ARHGAP21: variants seen among roughly 807,000 people sequenced by gnomAD.
ARHGAP21 encodes the protein Rho GTPase activating protein 21, also known as rho GTPase-activating protein 21.
Under a neutral mutation model 164.6 loss-of-function variants are expected in ARHGAP21, and 38 were observed. The observed-to-expected ratio is 0.23, with a 90% CI of 0.18 to 0.30. The LOEUF (loss-of-function observed/expected upper bound fraction) is 0.30. Ranked by LOEUF, ARHGAP21 falls within the 10% of genes least tolerant of loss-of-function variation. The pLI is 1.00. For missense variants in ARHGAP21, 1,822 were observed against 2,370.7 expected, an observed-to-expected ratio of 0.77 and a Z score of 4.81; for synonymous variants, 766 against 857.9, an observed-to-expected ratio of 0.89 and a Z score of 1.87.
chr10:24,656,387 G>C (rs1838930650), intron 4 of ARHGAP21, among the ~76,000 whole-genome samples: 1 of 104,762 alleles, frequency 9.5e-6, no homozygotes, highest in Non-Finnish European at 2.0e-5. Context: ...CCGGGAGGGA[G>C]GTGGGGGGGT....
intron 2 of ARHGAP21, among the ~76,000 whole-genome samples, chr10:24,721,626 C>T (rs1219422732): frequency 6.6e-6 from 1 of 152,196 alleles, no homozygotes; most frequent in African/African-American, 2.4e-5. Flanking sequence ...AACTGCGGGA[C>T]ATGTTCTTGC....
At chr10:24,590,505 C>T (rs920167228) in intron 24 of ARHGAP21, 3 of 1,533,250 alleles carry the variant, frequency 2.0e-6, no homozygotes, top group Non-Finnish European at 2.6e-6. Flanking sequence ...ATAGATTTGC[C>T]TGTGTCAGTA....
intron 8 of ARHGAP21, among the ~76,000 whole-genome samples, chr10:24,622,433 C>CATATAAATATATATATAT (rs1834641784): frequency 1.1e-5 from 1 of 89,766 alleles, no homozygotes; most frequent in African/African-American, 4.1e-5. Flanking sequence ...ACTTAAAAAA[C>CATATAAATATATATATAT]ATATATATAT....
intron 4 of ARHGAP21, among the ~76,000 whole-genome samples, chr10:24,647,733 A>G (rs567704041): frequency 1.8e-4 from 28 of 152,320 alleles, no homozygotes; most frequent in African/African-American, 6.5e-4. Context: ...ATAAAAGACA[A>G]TTTCTATCCT....
At chr10:24,611,874 G>A (rs1318603828) in intron 9 of ARHGAP21, among the ~76,000 whole-genome samples, 2 of 152,078 alleles carry the variant, frequency 1.3e-5, no homozygotes, top group South Asian at 4.1e-4. Context: ...TAATTGCCCT[G>A]TCCCTGTAAC....
chr10:24,599,267 C>A (rs912453980), intron 14 of ARHGAP21, among the ~76,000 whole-genome samples: 1 of 152,152 alleles, frequency 6.6e-6, no homozygotes, highest in Non-Finnish European at 1.5e-5. Context: ...ATAGTAGGTG[C>A]CTGTTACACA....
At chr10:24,694,213 T>C (rs991821025) in intron 2 of ARHGAP21, among the ~76,000 whole-genome samples, 1 of 152,218 alleles carries the variant, frequency 6.6e-6, no homozygotes, top group African/African-American at 2.4e-5. Context: ...TAACAAAATA[T>C]TTTGACTGGT....
chr10:24,703,115 CCACA>C (rs1404114251), intron 2 of ARHGAP21, among the ~76,000 whole-genome samples: 3 of 151,768 alleles, frequency 2.0e-5, no homozygotes, highest in Non-Finnish European at 4.4e-5. Context: ...CTTGTAAAAC[CCACA>C]CACAAACTAG....
chr10:24,653,982 A>C (rs941452986), intron 4 of ARHGAP21, among the ~76,000 whole-genome samples: 2 of 152,224 alleles, frequency 1.3e-5, no homozygotes, highest in African/African-American at 4.8e-5. Flanking sequence ...TATATCTGAT[A>C]AGGACTTGGT....
chr10:24,666,743 C>T (rs991631135), intron 4 of ARHGAP21, among the ~76,000 whole-genome samples: 2 of 151,980 alleles, frequency 1.3e-5, no homozygotes, highest in African/African-American at 4.8e-5. Flanking sequence ...TGATATATTC[C>T]TCCACAAAAA....
chr10:24,633,879 TTC>T (rs374706055), intron 5 of ARHGAP21, among the ~76,000 whole-genome samples: 2 of 140,038 alleles, frequency 1.4e-5, no homozygotes, highest in South Asian at 2.3e-4. Context: ...CTGTCTTTTT[TTC>T]TCTTTTTTTT....
chr10:24,611,668 C>T (rs1215838365), intron 9 of ARHGAP21, among the ~76,000 whole-genome samples: 1 of 151,506 alleles, frequency 6.6e-6, no homozygotes, highest in Non-Finnish European at 1.5e-5. Context: ...TGCGCCACTG[C>T]CCGACTCCAG....
intron 1 of ARHGAP21, chr10:24,723,238 G>T (rs570313750): frequency 6.6e-6 from 1 of 151,064 alleles, no homozygotes; most frequent in African/African-American, 2.4e-5. Context: ...GGGCCCGGCC[G>T]GGACGCGCTA....
intron 7 of ARHGAP21, chr10:24,628,941 ACACACACACAC>A (rs1835483190): frequency 9.8e-6 from 1 of 102,364 alleles, no homozygotes; most frequent in African/African-American, 4.2e-5. Context: ...ACATATATAT[ACACACACACAC>A]TATATATATA....
At chr10:24,597,129 T>C (rs541531698) in intron 16 of ARHGAP21, among the ~76,000 whole-genome samples, 4 of 152,218 alleles carry the variant, frequency 2.6e-5, no homozygotes, top group South Asian at 2.1e-4. Flanking sequence ...GTCATCTTTA[T>C]AGTGAGACTT....
intron 13 of ARHGAP21, 70 bp downstream of exon 13, chr10:24,601,908 T>C: frequency 7.2e-7 from 1 of 1,387,132 alleles, no homozygotes; most frequent in Non-Finnish European, 9.4e-7. Context: ...ATTTTATGTA[T>C]ACAGGCTTTA....
At chr10:24,605,010 G>A (rs928607359) in intron 11 of ARHGAP21, among the ~76,000 whole-genome samples, 11 of 152,090 alleles carry the variant, frequency 7.2e-5, no homozygotes, top group African/African-American at 2.7e-4. Flanking sequence ...AAGAAACTTA[G>A]AGTTTTAAGA....
chr10:24,597,342 G>T, intron 16 of ARHGAP21, 105 bp downstream of exon 16: 1 of 1,401,206 alleles, frequency 7.1e-7, no homozygotes, highest in Non-Finnish European at 9.5e-7. Flanking sequence ...TGAGCTAGTT[G>T]ACATGGGGCC....
At chr10:24,629,570 CAT>C (rs1297790520) in intron 7 of ARHGAP21, 1 of 159,912 alleles carries the variant, frequency 6.3e-6, no homozygotes, top group South Asian at 1.7e-4. Flanking sequence ...AAATGGCAAT[CAT>C]AAAGTTTGTC....
Sources: gnomAD v4.1 joint callset for allele counts (sites outside exome capture counted in the v4.1 genomes callset) on GRCh38, gnomAD v4.1.1 for gene constraint, MANE v1.5 for transcripts, NCBI Gene and HGNC (gene_info 2026-07-23, HGNC 2026-07-21) for gene names.